The following CSMD3 variants were observed in gnomAD, a reference collection of about 807,000 sequenced individuals.
CSMD3 encodes the protein CUB and Sushi multiple domains 3.
A neutral mutation model predicts 435.2 loss-of-function variants in CSMD3; 177 were observed. The ratio of observed to expected loss-of-function variants is 0.41; its 90% confidence interval spans 0.36 to 0.46. CSMD3 has a LOEUF of 0.46. Ranked by LOEUF, CSMD3 falls within the 20% of genes least tolerant of loss-of-function variation. CSMD3 has a pLI of 0.34. For missense variants in CSMD3, 4,265 were observed against 4,504.6 expected, an observed-to-expected ratio of 0.95 and a Z score of 1.52; for synonymous variants, 1,656 against 1,520.5, an observed-to-expected ratio of 1.09 and a Z score of -2.07.
At chr8:113,251,811 T>C (rs1286676258) in intron 3 of CSMD3, among the ~76,000 whole-genome samples, 1 of 152,078 alleles carries the variant, frequency 6.6e-6, no homozygotes, top group Non-Finnish European at 1.5e-5. Context: ...TTCTCCATGA[T>C]CTAACACTTT....
chr8:112,649,827 C>T (rs1189594940), intron 19 of CSMD3, among the ~76,000 whole-genome samples: 1 of 152,066 alleles, frequency 6.6e-6, no homozygotes, highest in Admixed American at 6.5e-5. Context: ...GCATTTTTTT[C>T]AGGACTTTCT....
In CSMD3 at chr8:112,747,281, T is replaced by C. The variant is rs116231436; in HGVS notation, c.1972+52881A>G. Among the ~76,000 whole-genome samples, 656 of 143,908 alleles carry C rather than the reference T, an allele frequency of 4.6e-3. 4 individuals carry two copies. Among genetic ancestry groups the C allele is most frequent in the African/African-American group, 0.016 (614 of 39,218 alleles). The allele number at this position is 143,908 out of a possible 152,430, so 94.4% of individuals were successfully genotyped here. ...AGCCCTGGTGAAGTTCAAATTTCAA[T>C]ATACTTCAAGAGTAGACCTACTAAG... On this transcript the variant is annotated intron_variant, in intron 13 of 70. Transcript: ENST00000297405.
chr8:112,422,522 C>T (rs986500432), intron 32 of CSMD3, among the ~76,000 whole-genome samples: 1 of 152,000 alleles, frequency 6.6e-6, no homozygotes, highest in Non-Finnish European at 1.5e-5. Flanking sequence ...TTCTACAAAC[C>T]CAGATTTGAC....
chr8:112,953,907 T>C (rs1490441842), intron 8 of CSMD3, among the ~76,000 whole-genome samples: 1 of 151,502 alleles, frequency 6.6e-6, no homozygotes, highest in Non-Finnish European at 1.5e-5. Flanking sequence ...ATATTAGCAA[T>C]GTTATTTTGG....
At position 112,656,250 on chromosome 8, in the gene CSMD3, C is replaced by T. The variant is rs989917671; in HGVS notation, c.2908G>A (p.Val970Met). ...CTGCTACTAAATAGAAACTGGGGCA[C>T]TTGGGTGCCATTGTAAGATCCAAGC... ...PLLGSYNGTQ[V>M]PQFLFSSSNF... is the part of the protein sequence containing the mutation. The change falls in exon 18 of 71, where the codon GTG becomes ATG. Residue 970 changes from valine to methionine, a missense_variant. Around this residue, in one of 3 missense-constraint regions of CSMD3, gnomAD observed 3,255 missense variants for 3,380.2 expected, o/e 0.96. Transcript: ENST00000297405. 4 of 1,611,456 alleles carry T rather than the reference C, an allele frequency of 2.5e-6. No homozygotes were observed. Among genetic ancestry groups the T allele is most frequent in the Non-Finnish European group, 2.5e-6 (3 of 1,177,820 alleles).
intron 32 of CSMD3, among the ~76,000 whole-genome samples, chr8:112,471,151 T>C (rs1818482555): frequency 6.6e-6 from 1 of 152,152 alleles, no homozygotes; most frequent in Non-Finnish European, 1.5e-5. Context: ...GGACATTAAA[T>C]GGCTAATTTT....
chr8:112,985,370 G>C (rs1306576817), intron 6 of CSMD3, among the ~76,000 whole-genome samples: 1 of 151,976 alleles, frequency 6.6e-6, no homozygotes, highest in African/African-American at 2.4e-5. Flanking sequence ...AAACGAAATA[G>C]TAGGCACCGA....
At chr8:113,087,249 G>A (rs1019583844) in intron 5 of CSMD3, among the ~76,000 whole-genome samples, 10 of 152,038 alleles carry the variant, frequency 6.6e-5, no homozygotes, top group African/African-American at 2.4e-4. Context: ...ACTTGGGTAG[G>A]AAGAATCAAT....
intron 32 of CSMD3, among the ~76,000 whole-genome samples, chr8:112,416,296 C>T (rs1811906675): frequency 6.6e-6 from 1 of 152,300 alleles, no homozygotes; most frequent in African/African-American, 2.4e-5. Flanking sequence ...CTGGCTCTCA[C>T]TTCATCCTGC....
intron 5 of CSMD3, among the ~76,000 whole-genome samples, chr8:113,054,266 T>A (rs2088222543): frequency 1.3e-5 from 2 of 152,162 alleles, no homozygotes; most frequent in South Asian, 4.1e-4. Context: ...ACTCCATACC[T>A]AGACTCTCAT....
At chr8:112,663,387 C>CA (rs1233854144) in intron 17 of CSMD3, among the ~76,000 whole-genome samples, 3 of 145,626 alleles carry the variant, frequency 2.1e-5, no homozygotes, top group Non-Finnish European at 3.0e-5. Flanking sequence ...ATCGCGAGGA[C>CA]AAAAAACCAA....
At chr8:112,542,523 C>A (rs1826777074) in intron 27 of CSMD3, among the ~76,000 whole-genome samples, 1 of 151,788 alleles carries the variant, frequency 6.6e-6, no homozygotes, top group Non-Finnish European at 1.5e-5. Flanking sequence ...TAACAACGAA[C>A]TATCTGAAAA....
At chr8:112,587,571 T>C (rs1440789110) in intron 22 of CSMD3, among the ~76,000 whole-genome samples, 1 of 151,888 alleles carries the variant, frequency 6.6e-6, no homozygotes, top group Non-Finnish European at 1.5e-5. Flanking sequence ...ATGTAATACA[T>C]TTAAATTTAT....
chr8:113,360,081 C>T (rs914394891), intron 1 of CSMD3, among the ~76,000 whole-genome samples: 2 of 152,116 alleles, frequency 1.3e-5, no homozygotes, highest in African/African-American at 2.4e-5. Context: ...ATTCAATTTT[C>T]ATTGGTCTTG....
At chr8:113,400,785 C>T (rs1398811) in intron 1 of CSMD3, among the ~76,000 whole-genome samples, 118,462 of 151,752 alleles carry the variant, frequency 0.78, 46,844 homozygotes, top group East Asian at 0.94. Flanking sequence ...CCAGGAATTA[C>T]AGGCTCAAAA....
intron 3 of CSMD3, among the ~76,000 whole-genome samples, chr8:113,202,790 T>A (rs1191549341): frequency 6.6e-6 from 1 of 152,092 alleles, no homozygotes; most frequent in African/African-American, 2.4e-5. Flanking sequence ...TATCTGTAGG[T>A]ATAGACTTTA....
At position 112,742,435 on chromosome 8, in the gene CSMD3, A is replaced by G. The variant is rs559376335; in HGVS notation, c.1973-52385T>C. On this transcript the variant is annotated intron_variant, in intron 13 of 70. Transcript: ENST00000297405. ...ATCTGTTTTTAAGCCATTAGAGTTC[A>G]TTCCTTACACACTGTGGAAAGCTGT... is the stretch of plus-strand genomic sequence containing the variant. Among the ~76,000 whole-genome samples the G allele has an allele frequency of 2.0e-5, 3 of 152,090 alleles. No homozygotes were observed. The South Asian group carries it at 6.2e-4, about 32-fold the overall frequency.
chr8:113,360,143 T>C (rs2094262456), intron 1 of CSMD3, among the ~76,000 whole-genome samples: 1 of 152,154 alleles, frequency 6.6e-6, no homozygotes, highest in African/African-American at 2.4e-5. Context: ...ATAATATGTA[T>C]AATGCTTCTA....
intron 4 of CSMD3, 22 bp downstream of exon 4, chr8:113,173,700 T>C: frequency 1.9e-6 from 3 of 1,566,752 alleles, no homozygotes; most frequent in Non-Finnish European, 2.6e-6. Flanking sequence ...CAACTCTCAT[T>C]TTTAAAGTGT....
Sources: gnomAD v4.1 joint callset for allele counts (sites outside exome capture counted in the v4.1 genomes callset) on GRCh38, gnomAD v4.1.1 for gene constraint, gnomAD v4.1.1 regional missense constraint, MANE v1.5 for transcripts, NCBI Gene and HGNC (gene_info 2026-07-23, HGNC 2026-07-21) for gene names.